CASP8: variants seen among roughly 807,000 people sequenced by gnomAD.
CASP8 encodes caspase-8.
A neutral mutation model predicts 46.3 loss-of-function variants in CASP8; 24 were observed. The observed-to-expected ratio is 0.52, with a 90% CI of 0.38 to 0.73. CASP8 has a LOEUF of 0.73. Ranked by LOEUF, CASP8 falls within the 30% of genes least tolerant of loss-of-function variation. The pLI, the probability that CASP8 is intolerant of heterozygous loss-of-function variation, is 0.00. For missense variants in CASP8, 460 were observed against 559.0 expected (o/e 0.82, Z 1.79); for synonymous variants, 188 against 200.4 (o/e 0.94, Z 0.52).
upstream of CASP8, among the ~76,000 whole-genome samples, chr2:201,257,217 C>T (rs1442908885): frequency 4.0e-5 from 6 of 150,278 alleles, no homozygotes; most frequent in Non-Finnish European, 8.9e-5. Context: ...CACCGTGGCT[C>T]ATGCCTGTAA....
Position 201,240,471 on chromosome 2 carries a change from AT to A in CASP8, c.-27+6360del, listed in dbSNP as rs527897737. The A allele has an allele frequency of 5.3e-5, 8 of 152,362 alleles. No individual in the cohort carries two copies. The South Asian group carries it at 1.7e-3, about 32-fold the overall frequency. 9.4% of individuals were successfully genotyped at this position (152,362 alleles called of 1,614,324 possible). A position where few individuals can be genotyped will look rare whatever the true frequency, so the allele number is the denominator to read the frequency against. On this transcript the variant is annotated intron_variant, in intron 2 of 6. Coordinates refer to the CASP8 transcript ENST00000264274. ...ATAATGAAAAAAGCATCAATCCACCATGAAGATATAACAATTATAAATATAT... is the reference window on the plus strand; with the variant it reads ...ATAATGAAAAAAGCATCAATCCACCAGAAGATATAACAATTATAAATATAT...
intron 2 of CASP8, among the ~76,000 whole-genome samples, chr2:201,243,617 C>T (rs1946390002): frequency 6.6e-6 from 1 of 152,174 alleles, no homozygotes; most frequent in South Asian, 2.1e-4. Flanking sequence ...AAAATACCTA[C>T]CAGATGCCCA....
intron 2 of CASP8, among the ~76,000 whole-genome samples, chr2:201,245,864 C>CTTTTTTTTTTTT (rs60096366): frequency 2.4e-5 from 3 of 124,412 alleles, no homozygotes; most frequent in African/African-American, 6.6e-5. Flanking sequence ...CTTGTTTGTT[C>CTTTTTTTTTTTT]TTTTTTTTTT....
At chr2:201,285,684 C>G (rs1949526263) in intron 8 of CASP8, among the ~76,000 whole-genome samples, 1 of 152,270 alleles carries the variant, frequency 6.6e-6, no homozygotes, top group South Asian at 2.1e-4. Flanking sequence ...TGTCTTTAGG[C>G]CAAAACATGA....
chr2:201,253,340 T>C (rs190096475), intron 2 of CASP8, among the ~76,000 whole-genome samples: 1 of 133,590 alleles, frequency 7.5e-6, no homozygotes, highest in East Asian at 2.3e-4. Flanking sequence ...CAGTCACTAG[T>C]GCTGTATGTA....
chr2:201,277,718 T>G (rs1415918974), intron 7 of CASP8: 2 of 437,864 alleles, frequency 4.6e-6, no homozygotes, highest in East Asian at 1.5e-4. Flanking sequence ...TTTTTTTTTT[T>G]GAGACAAAGT....
rs966595491 is a variant in CASP8 at position 201,284,881 on chromosome 2, G to C, written c.868G>C (p.Glu290Gln). Residue 290 changes from glutamate to glutamine, a missense_variant, in exon 8 of 9, where the codon GAG (glutamate) becomes CAG (glutamine). Glu to Gln is a conservative substitution (Grantham distance 29). Coordinates refer to ENST00000673742, the MANE Select transcript of CASP8 (RefSeq NM_001372051.1). ...EIKPHDDCTV[E>Q]QIYEILKIYQ... ...CAAGCCCCACGATGACTGCACAGTA[G>C]AGCAAATCTATGAGATTTTGAAAAT... 1 of 1,614,116 alleles carries C rather than the reference G, an allele frequency of 6.2e-7. No homozygotes were observed. The highest frequency in any genetic ancestry group is 8.5e-7 in the Non-Finnish European group (1 of 1,180,010).
chr2:201,272,381 G>A lies in CASP8; in HGVS notation c.412-257G>A, dbSNP rs1383055815. On this transcript the variant is annotated intron_variant, in intron 3 of 8. Coordinates refer to ENST00000673742, the MANE Select transcript of CASP8 (RefSeq NM_001372051.1). The surrounding 1 kb of genome is among the most constrained non-coding windows in gnomAD (Gnocchi z 4.4). ...CAAGTAATGCATTCGCAGGAGATTT[G>A]AGCACAGGGCCTGGGGACTGGGTGA... 6.6e-6 allele frequency among the ~76,000 whole-genome samples: 1 copy of A among 152,060 alleles called. No individual in the cohort carries two copies. The highest frequency in any genetic ancestry group is 1.9e-4 in the East Asian group (1 of 5,184).
chr2:201,260,275 G>A (rs1014592448), upstream of CASP8, among the ~76,000 whole-genome samples: 25 of 152,160 alleles, frequency 1.6e-4, no homozygotes, highest in Non-Finnish European at 2.6e-4. Flanking sequence ...CAACGTCCTT[G>A]TTTTGGAATG....
At chr2:201,247,213 A>AG (rs1299238151) in intron 2 of CASP8, among the ~76,000 whole-genome samples, 1 of 137,024 alleles carries the variant, frequency 7.3e-6, no homozygotes, top group Non-Finnish European at 1.6e-5. Flanking sequence ...AAAAAAAAAA[A>AG]AAGAAGAATT....
Position 201,285,002 on chromosome 2 carries a change from A to G in CASP8, c.989A>G (p.Glu330Gly). The part of the protein sequence containing the change: ...KGIIYGTDGQ[E>G]APIYELTSQF... ...ATCATCTATGGCACTGATGGACAGG[A>G]GGCCCCCATCTATGAGCTGACATCT... Residue 330 changes from glutamate (E) to glycine (G), a missense_variant, in exon 8 of 9, where the codon GAG becomes GGG. Physicochemically the swap from Glu to Gly is moderately conservative, Grantham distance 98 (BLOSUM62 -2). Transcript: ENST00000673742. The G allele has an allele frequency of 6.2e-7, 1 of 1,614,128 alleles. No homozygotes were observed. Among genetic ancestry groups the G allele is most frequent in the Non-Finnish European group, 8.5e-7 (1 of 1,179,996 alleles).
rs755215387 is a variant in CASP8 at position 201,272,232 on chromosome 2, C to CTG, written c.412-394_412-393dup. On this transcript the variant is annotated intron_variant, in intron 3 of 8. Coordinates refer to ENST00000673742, the MANE Select transcript of CASP8 (RefSeq NM_001372051.1). This position sits in a 1 kb window ranked among gnomAD's most constrained non-coding sequence, Gnocchi z 4.4. ...CTGTGTGTGTATGTGCATGTGGTGT[C>CTG]TGTGTGTGTGTGTCTGTGTGTCTGT... Among the ~76,000 whole-genome samples, 1 of 150,994 alleles carries CTG rather than the reference C, an allele frequency of 6.6e-6. No homozygotes were observed. The highest frequency in any genetic ancestry group is 6.6e-5 in the Admixed American group (1 of 15,126).
At chr2:201,260,928 T>C (rs1328398567) in intron 1 of CASP8, among the ~76,000 whole-genome samples, 2 of 152,170 alleles carry the variant, frequency 1.3e-5, no homozygotes, top group East Asian at 1.9e-4. Context: ...CCAGTCAAAC[T>C]TGTGAAATAA....
chr2:201,254,891 C>T (rs1476986911), intron 2 of CASP8, among the ~76,000 whole-genome samples: 1 of 152,184 alleles, frequency 6.6e-6, no homozygotes, highest in African/African-American at 2.4e-5. Context: ...CCTGCAGCTC[C>T]AGCAACACCT....
intron 2 of CASP8, among the ~76,000 whole-genome samples, chr2:201,236,118 T>G (rs1946036619): frequency 6.6e-6 from 1 of 152,202 alleles, no homozygotes; most frequent in African/African-American, 2.4e-5. Context: ...ATCACTGCAG[T>G]CAGGATAGTG....
rs1210001566 is a variant in CASP8, at chr2:201,265,378, A to AG, written c.-26-1082dup. Among the ~76,000 whole-genome samples, 124 of 75,074 alleles carry AG rather than the reference A, an allele frequency of 1.7e-3. 1 individual carries two copies. Among genetic ancestry groups the AG allele is most frequent in the African/African-American group, 5.7e-3 (120 of 21,150 alleles). 49.3% of individuals were successfully genotyped at this position (75,074 alleles called of 152,430 possible). ...TGACAGAGCAAGACTGGGTCTCAAA[A>AG]GAAAAAAAAAAAACGAAAACTAAAT... On this transcript the variant is annotated intron_variant, in intron 1 of 8. Coordinates refer to ENST00000673742, the MANE Select transcript of CASP8 (RefSeq NM_001372051.1).
Position 201,271,633 on chromosome 2 carries a change from T to C in CASP8, c.411+12T>C. 1.4e-6 allele frequency: 2 copies of C among 1,454,392 alleles called. No individual in the cohort carries two copies. The highest frequency in any genetic ancestry group is 1.9e-6 in the Non-Finnish European group (2 of 1,034,058). The allele number at this position is 1,454,392 out of a possible 1,614,324, so 90.1% of individuals were successfully genotyped here. Reference sequence around the variant, plus strand: ...TGGATGATGACATGGTAAGACCTGGTATCTTACTGAGATTTAGTCCTGAGA... The same window carrying C: ...TGGATGATGACATGGTAAGACCTGGCATCTTACTGAGATTTAGTCCTGAGA... On this transcript the variant is annotated intron_variant, in intron 3 of 8. Coordinates refer to ENST00000673742, the MANE Select transcript of CASP8 (RefSeq NM_001372051.1).
intron 7 of CASP8, chr2:201,278,015 G>C (rs1310638331): frequency 6.0e-6 from 1 of 167,898 alleles, no homozygotes; most frequent in Non-Finnish European, 1.3e-5. Context: ...GCTAACATTT[G>C]ATTTGTTTAT....
Position 201,274,935 on chromosome 2 carries a change from A to G in CASP8, c.642A>G (p.Glu214=). 1 of 1,612,568 alleles carries G rather than the reference A, an allele frequency of 6.2e-7. No individual in the cohort carries two copies. Among genetic ancestry groups the G allele is most frequent in the Non-Finnish European group, 8.5e-7 (1 of 1,178,672 alleles). The change falls in exon 6 of 9, where the codon GAA becomes GAG. Residue 214 remains glutamate, a synonymous_variant. Transcript: ENST00000673742. ...GVMTISDSPR[E]QDSESQTLDK... ...TGACAATCTCGGACTCTCCAAGAGA[A>G]CAGGATAGTGAATCACAGGTAGACG...
Sources: allele counts gnomAD v4.1 joint callset (sites outside exome capture counted in the v4.1 genomes callset), GRCh38; gene constraint gnomAD v4.1.1; non-coding constraint Gnocchi (gnomAD v3.1); transcripts MANE v1.5; gene names NCBI Gene and HGNC (gene_info 2026-07-23, HGNC 2026-07-21).